Variants in CUTC observed in about 807,000 individuals in gnomAD.
CUTC encodes copper homeostasis protein cutC homolog.
A neutral mutation model predicts 36.2 loss-of-function variants in CUTC; 27 were observed. That is an observed-to-expected ratio of 0.75 (90% CI 0.55 to 1.03). The LOEUF is 1.03. CUTC is among the 50% of genes least tolerant of loss of function. The pLI, the probability that CUTC is intolerant of heterozygous loss-of-function variation, is 0.00. For missense variants in CUTC, 315 were observed against 343.5 expected, an observed-to-expected ratio of 0.92 and a Z score of 0.66; for synonymous variants, 114 against 118.3, an observed-to-expected ratio of 0.96 and a Z score of 0.24.
At position 99,745,651 on chromosome 10, in the gene CUTC, G is replaced by T. The variant is rs141382139; in HGVS notation, c.439+1579G>T. Among the ~76,000 whole-genome samples, 608 of 152,312 alleles carry T rather than the reference G, an allele frequency of 4.0e-3. 4 individuals carry two copies. In the Middle Eastern group the frequency reaches 0.041, roughly 10 times the overall value. On this transcript the variant is annotated intron_variant, in intron 5 of 8. Coordinates refer to ENST00000370476, the MANE Select transcript of CUTC (RefSeq NM_015960.3). ...AGGTGGGTGGATCACAAGGTTAGGA[G>T]ATTGAGACCATCCTGGCCAACATGG...
chr10:99,732,440 G>T, intron 1 of CUTC, 31 bp downstream of exon 1: 2 of 1,548,872 alleles, frequency 1.3e-6, no homozygotes, highest in Non-Finnish European at 1.7e-6. Flanking sequence ...GGGGACGGTC[G>T]GCCGAAGGCT....
intron 4 of CUTC, among the ~76,000 whole-genome samples, chr10:99,743,779 A>G (rs868530729): frequency 1.2e-4 from 19 of 152,358 alleles, no homozygotes; most frequent in African/African-American, 4.3e-4. Context: ...TATTAGATGT[A>G]ATGCTGCCCT....
At chr10:99,752,930 A>G (rs1013511128) in intron 7 of CUTC, among the ~76,000 whole-genome samples, 4 of 152,220 alleles carry the variant, frequency 2.6e-5, no homozygotes, top group Admixed American at 1.3e-4. Context: ...AGCAAGTAAA[A>G]ACTCCTAGGT....
At chr10:99,738,571 A>G (rs140060353) in intron 2 of CUTC, among the ~76,000 whole-genome samples, 3,156 of 152,152 alleles carry the variant, frequency 0.021, 106 homozygotes, top group African/African-American at 0.072. Context: ...TGTGATATTC[A>G]TCTTTTAGAG....
chr10:99,738,429 C>T (rs1459879595), intron 2 of CUTC, among the ~76,000 whole-genome samples: 1 of 88,416 alleles, frequency 1.1e-5, no homozygotes, highest in African/African-American at 4.2e-5. Context: ...TGTGTGTGTA[C>T]AGTTCTTTGA....
chr10:99,745,872 T>G (rs566719085), intron 5 of CUTC, among the ~76,000 whole-genome samples: 1 of 152,250 alleles, frequency 6.6e-6, no homozygotes, highest in East Asian at 1.9e-4. Context: ...CAAAAAAAAG[T>G]AGGTTGGAAG....
At chr10:99,747,773 G>C (rs2037389800) in intron 6 of CUTC, among the ~76,000 whole-genome samples, 2 of 151,988 alleles carry the variant, frequency 1.3e-5, no homozygotes, top group South Asian at 4.2e-4. Flanking sequence ...TGCCTTCCTT[G>C]CCCTCCCAGA....
intron 6 of CUTC, among the ~76,000 whole-genome samples, chr10:99,749,928 A>G (rs1448005066): frequency 5.3e-5 from 8 of 152,252 alleles, no homozygotes; most frequent in African/African-American, 1.7e-4. Context: ...CAGGGAGGAA[A>G]AACTTTTCTT....
chr10:99,745,216 A>G (rs1235986032), intron 5 of CUTC, among the ~76,000 whole-genome samples: 1 of 152,252 alleles, frequency 6.6e-6, no homozygotes, highest in Non-Finnish European at 1.5e-5. Context: ...TCTTTATTCC[A>G]ATAGGTTTAA....
chr10:99,743,124 G>T, intron 3 of CUTC, 29 bp from the exon 4 acceptor site: 2 of 1,606,044 alleles, frequency 1.2e-6, no homozygotes, highest in South Asian at 2.2e-5. Context: ...GCTCACATTT[G>T]AATTTTAATC....
At chr10:99,736,692 C>T (rs2037299522) in intron 2 of CUTC, among the ~76,000 whole-genome samples, 1 of 152,000 alleles carries the variant, frequency 6.6e-6, no homozygotes. Flanking sequence ...TACTCTGAAC[C>T]TGTTTTAATG....
chr10:99,742,707 T>TAA (rs75714060), intron 3 of CUTC, among the ~76,000 whole-genome samples: 1 of 134,472 alleles, frequency 7.4e-6, no homozygotes, highest in Non-Finnish European at 1.6e-5. Flanking sequence ...GTATCTTGTT[T>TAA]AAAAAAAAAA....
chr10:99,742,207 TTTA>T (rs920318252), intron 3 of CUTC, among the ~76,000 whole-genome samples: 8 of 152,054 alleles, frequency 5.3e-5, no homozygotes, highest in African/African-American at 1.2e-4. Context: ...TGTCTGTTTT[TTTA>T]TTATTATTAT....
intron 5 of CUTC, among the ~76,000 whole-genome samples, chr10:99,746,921 A>C (rs2037381517): frequency 6.6e-6 from 1 of 152,146 alleles, no homozygotes; most frequent in Non-Finnish European, 1.5e-5. Context: ...ATAGGTGCAC[A>C]CCACCATGCC....
At chr10:99,742,551 TAC>T (rs2037349061) in intron 3 of CUTC, among the ~76,000 whole-genome samples, 1 of 152,146 alleles carries the variant, frequency 6.6e-6, no homozygotes, top group Non-Finnish European at 1.5e-5. Context: ...AAGAAATTCA[TAC>T]TGGGTAAACA....
intron 7 of CUTC, among the ~76,000 whole-genome samples, chr10:99,754,314 G>A (rs1411657183): frequency 2.6e-5 from 4 of 152,104 alleles, no homozygotes; most frequent in Non-Finnish European, 5.9e-5. Context: ...TATCATACAT[G>A]TTCTATAAAC....
intron 1 of CUTC, among the ~76,000 whole-genome samples, chr10:99,732,854 A>C (rs1181880222): frequency 1.3e-5 from 2 of 152,264 alleles, no homozygotes; most frequent in East Asian, 3.9e-4. Context: ...CGCAGCTACC[A>C]AGTGGCCGAG....
rs1289207933 is a variant in CUTC, at chr10:99,740,538, C to CT, written c.193+775dup. Among the ~76,000 whole-genome samples the CT allele has an allele frequency of 3.3e-5, 5 of 151,798 alleles. No homozygotes were observed. The East Asian group carries it at 7.7e-4, about 23-fold the overall frequency. ...TTGTTTTTCTCTATGTAATATGTCT[C>CT]TTTTTTCTACCTACTTTTAAGATTT... On this transcript the variant is annotated intron_variant, in intron 3 of 8. Coordinates refer to ENST00000370476, the MANE Select transcript of CUTC (RefSeq NM_015960.3).
intron 7 of CUTC, among the ~76,000 whole-genome samples, chr10:99,752,585 AG>A (rs2037427526): frequency 6.6e-6 from 1 of 152,184 alleles, no homozygotes; most frequent in South Asian, 2.1e-4. Context: ...AGTTTTGACA[AG>A]TAATACTTAG....
Sources: allele counts gnomAD v4.1 joint callset (sites outside exome capture counted in the v4.1 genomes callset), GRCh38; gene constraint gnomAD v4.1.1; transcripts MANE v1.5; gene names NCBI Gene and HGNC (gene_info 2026-07-23, HGNC 2026-07-21).